ACOX2: variants seen among roughly 807,000 people sequenced by gnomAD.
ACOX2 encodes the protein peroxisomal acyl-coenzyme A oxidase 2.
Under a neutral mutation model 77.5 loss-of-function variants are expected in ACOX2, and 59 were observed. That is an observed-to-expected ratio of 0.76 (90% CI 0.62 to 0.95). ACOX2 has a LOEUF of 0.95. Among genes scored for constraint, ACOX2 ranks in the 40% least tolerant of loss-of-function variants. ACOX2 has a pLI of 0.00. For missense variants in ACOX2, 837 were observed against 880.4 expected, an observed-to-expected ratio of 0.95 and a Z score of 0.62; for synonymous variants, 317 against 340.1, an observed-to-expected ratio of 0.93 and a Z score of 0.75.
chr3:58,505,322 C>A lies in ACOX2; in HGVS notation c.1984-36G>T. 6.5e-7 allele frequency: 1 copy of A among 1,529,390 alleles called. No homozygotes were observed. The highest frequency in any genetic ancestry group is 8.9e-7 in the Non-Finnish European group (1 of 1,120,410). The allele number at this position is 1,529,390 out of a possible 1,614,324, so 94.7% of individuals were successfully genotyped here. A position where few individuals can be genotyped will look rare whatever the true frequency, so the allele number is the denominator to read the frequency against. On this transcript the variant is annotated intron_variant, in intron 14 of 14. Transcript: ENST00000302819. The surrounding 1 kb of genome is among the most constrained non-coding windows in gnomAD (Gnocchi z 4.4). ...AAAGAAACGCATTATTAACACAGTA[C>A]ATTTCTGCCAGGATTAATGACTTTC...
chr3:58,530,340 G>A, intron 8 of ACOX2, 126 bp downstream of exon 8: 2 of 1,331,980 alleles, frequency 1.5e-6, no homozygotes, highest in Non-Finnish European at 2.1e-6. Context: ...TTGTGTGTGT[G>A]TATGTGGTGG....
intron 14 of ACOX2, among the ~76,000 whole-genome samples, chr3:58,507,974 G>A (rs911654630): frequency 1.3e-5 from 2 of 152,036 alleles, no homozygotes; most frequent in African/African-American, 4.8e-5. Context: ...GACCAAAGAG[G>A]TAAAAAAGAA....
At position 58,525,252 on chromosome 3, in the gene ACOX2, G is replaced by T. The variant is rs2063386079; in HGVS notation, c.1347-647C>A. ...TGCAGAGTACATAATATGTGCTATT[G>T]TACTCCTTTTCTAATTTGGAAAAAA... is the stretch of plus-strand genomic sequence containing the variant. On this transcript the variant is annotated intron_variant, in intron 10 of 14. Coordinates refer to ENST00000302819, the MANE Select transcript of ACOX2 (RefSeq NM_003500.4). The surrounding 1 kb of genome is among the most constrained non-coding windows in gnomAD (Gnocchi z 5.0). Among the ~76,000 whole-genome samples, 1 of 152,100 alleles carries T rather than the reference G, an allele frequency of 6.6e-6. No homozygotes were observed. Among genetic ancestry groups the T allele is most frequent in the Non-Finnish European group, 1.5e-5 (1 of 68,022 alleles).
rs763249170 is a variant in ACOX2, at chr3:58,508,921, C to A, written c.1955G>T (p.Trp652Leu). The stretch of plus-strand genomic sequence containing the variant: ...AGTATTGGTTGGTGACTTCTGAGCC[C>A]ACTGGAACAGGCGTTCGTAGACGTT... Reference protein sequence around the residue: ...DGNVYERLFQWAQKSPTNTQE... With the variant: ...DGNVYERLFQLAQKSPTNTQE... The change falls in exon 14 of 15, where the codon TGG becomes TTG. Residue 652 changes from tryptophan to leucine, a missense_variant. By Grantham distance (61) the Trp-to-Leu change is moderately conservative (BLOSUM62 -2). Coordinates refer to ENST00000302819, the MANE Select transcript of ACOX2 (RefSeq NM_003500.4). 3.7e-6 allele frequency: 6 copies of A among 1,614,040 alleles called. No individual in the cohort carries two copies. In the Admixed American group the frequency reaches 1.0e-4, roughly 27 times the overall value.
chr3:58,530,031 T>C (rs1425294721), intron 8 of ACOX2, among the ~76,000 whole-genome samples: 1 of 152,212 alleles, frequency 6.6e-6, no homozygotes, highest in African/African-American at 2.4e-5. Context: ...GATATGATAT[T>C]GGATTTTGCT....
At chr3:58,517,500 G>A in intron 12 of ACOX2, 77 bp from the exon 13 acceptor site, 2 of 1,428,956 alleles carry the variant, frequency 1.4e-6, no homozygotes, top group South Asian at 2.4e-5. Context: ...ATGGCAAGAT[G>A]GCTGGAATAA....
rs956689203 is a variant in ACOX2, at chr3:58,512,176, C to T, written c.1851-3151G>A. ...CAAACCTGGGCCTCCTGTAGTCTTCCGCATTTATAGTAAATGGCAGCTCTG... is the reference window on the plus strand; with the variant it reads ...CAAACCTGGGCCTCCTGTAGTCTTCTGCATTTATAGTAAATGGCAGCTCTG... On this transcript the variant is annotated intron_variant, in intron 13 of 14. Coordinates refer to ENST00000302819, the MANE Select transcript of ACOX2 (RefSeq NM_003500.4). The surrounding 1 kb of genome is among the most constrained non-coding windows in gnomAD (Gnocchi z 4.8). Among the ~76,000 whole-genome samples the T allele has an allele frequency of 2.6e-5, 4 of 152,232 alleles. No individual in the cohort carries two copies. Among genetic ancestry groups the T allele is most frequent in the South Asian group, 2.1e-4 (1 of 4,826 alleles).
chr3:58,522,422 C>G lies in ACOX2; in HGVS notation c.1632+74G>C, dbSNP rs537861864. The G allele has an allele frequency of 3.4e-6, 5 of 1,454,232 alleles. No homozygotes were observed. Among genetic ancestry groups the G allele is most frequent in the Non-Finnish European group, 4.8e-6 (5 of 1,042,210 alleles). 90.1% of individuals were successfully genotyped at this position (1,454,232 alleles called of 1,614,324 possible). ...AGAGTTGGGGAATAATGGCAGAGCC[C>G]GGATTTTCCCAGCAGGGTAGCCTGC... On this transcript the variant is annotated intron_variant, in intron 12 of 14. Coordinates refer to ENST00000302819, the MANE Select transcript of ACOX2 (RefSeq NM_003500.4). This position sits in a 1 kb window ranked among gnomAD's most constrained non-coding sequence, Gnocchi z 4.3.
In ACOX2 at chr3:58,515,741, A is replaced by T. The variant is rs1268945676; in HGVS notation, c.1850+1465T>A. ...ATTCTCAAATTAGTCCATTTTTTTT[A>T]ATCTTATGGACAATGGTAAATAATT... is the stretch of plus-strand genomic sequence containing the variant. On this transcript the variant is annotated intron_variant, in intron 13 of 14. Transcript: ENST00000302819. This position sits in a 1 kb window ranked among gnomAD's most constrained non-coding sequence, Gnocchi z 4.0. 6.6e-6 allele frequency among the ~76,000 whole-genome samples: 1 copy of T among 152,104 alleles called. No homozygotes were observed. The highest frequency in any genetic ancestry group is 1.5e-5 in the Non-Finnish European group (1 of 68,028).
intron 13 of ACOX2, 55 bp from the exon 14 acceptor site, chr3:58,509,080 C>T (rs2063256554): frequency 1.3e-6 from 2 of 1,585,388 alleles, no homozygotes; most frequent in Admixed American, 1.7e-5. Context: ...ATGAATCAAA[C>T]TAGTCTTGGA....
chr3:58,533,587 G>C lies in ACOX2; in HGVS notation c.476-35C>G, dbSNP rs765455485. 8.1e-6 allele frequency: 13 copies of C among 1,600,728 alleles called. No homozygotes were observed. The highest frequency in any genetic ancestry group is 1.0e-5 in the Non-Finnish European group (12 of 1,168,276). ...AAGGAGAGGTGTTAGACATTGGCCT[G>C]AGGTGGGGTTCTTACCTGTGAAGCT... On this transcript the variant is annotated intron_variant, in intron 4 of 14. Coordinates refer to ENST00000302819, the MANE Select transcript of ACOX2 (RefSeq NM_003500.4). The surrounding 1 kb of genome is among the most constrained non-coding windows in gnomAD (Gnocchi z 5.6).
At position 58,526,512 on chromosome 3, in the gene ACOX2, A is replaced by AGGAGGCCGAC; in HGVS notation, c.1290_1299dup (p.Cys434ValfsTer9). On this transcript the variant is annotated frameshift_variant, in exon 10 of 15. Coordinates refer to ENST00000302819, the MANE Select transcript of ACOX2 (RefSeq NM_003500.4). LOFTEE classifies it high-confidence loss of function. The surrounding 1 kb of genome is among the most constrained non-coding windows in gnomAD (Gnocchi z 4.3). The stretch of plus-strand genomic sequence containing the variant: ...ACTGTGTTCTCACCCTCGTAGGTAC[A>AGGAGGCCGAC]GGAGGCCGACAATTTGGTGACCAGT... 6.2e-7 allele frequency: 1 copy of AGGAGGCCGAC among 1,614,186 alleles called. No individual in the cohort carries two copies. The highest frequency in any genetic ancestry group is 8.5e-7 in the Non-Finnish European group (1 of 1,180,032).
Position 58,522,985 on chromosome 3 carries a change from T to A in ACOX2, c.1527-384A>T, listed in dbSNP as rs1485659680. 5.4e-6 allele frequency: 1 copy of A among 183,496 alleles called. No homozygotes were observed. The highest frequency in any genetic ancestry group is 1.2e-5 in the Non-Finnish European group (1 of 85,476). 11.4% of individuals were successfully genotyped at this position (183,496 alleles called of 1,614,324 possible). ...GTTCAGGCCTTTTTGTTGACTGACGTCCTGTGGCCTGAGCAAGGAGAATGG... is the reference window on the plus strand; with the variant it reads ...GTTCAGGCCTTTTTGTTGACTGACGACCTGTGGCCTGAGCAAGGAGAATGG... On this transcript the variant is annotated intron_variant, in intron 11 of 14. Coordinates refer to ENST00000302819, the MANE Select transcript of ACOX2 (RefSeq NM_003500.4). This position sits in a 1 kb window ranked among gnomAD's most constrained non-coding sequence, Gnocchi z 4.3.
chr3:58,508,599 A>G (rs967372217), intron 14 of ACOX2, among the ~76,000 whole-genome samples: 1 of 152,152 alleles, frequency 6.6e-6, no homozygotes, highest in African/African-American at 2.4e-5. Flanking sequence ...CTCTGTGTGT[A>G]TGCACTTGGG....
At chr3:58,511,369 GA>G (rs2063286524) in intron 13 of ACOX2, 2 of 338,478 alleles carry the variant, frequency 5.9e-6, no homozygotes, top group African/African-American at 4.4e-5. Flanking sequence ...TGCTACTCTG[GA>G]CGCAAAGCCA....
At position 58,528,862 on chromosome 3, in the gene ACOX2, T is replaced by A. The variant is rs550491341; in HGVS notation, c.1087A>T (p.Ser363Cys). ...GAGTGCTGGAAGAACTCCAAGAGGC[T>A]GACTGCCAGGAAATGGAAGGCATAA... is the stretch of plus-strand genomic sequence containing the variant. ...ISYAFHFLAV[S>C]LLEFFQHSYT... Residue 363 changes from serine (S) to cysteine (C), a missense_variant, in exon 9 of 15, where the codon AGC becomes TGC. Transcript: ENST00000302819. The surrounding 1 kb of genome is among the most constrained non-coding windows in gnomAD (Gnocchi z 5.6). The A allele has an allele frequency of 4.6e-5, 74 of 1,613,920 alleles. 1 individual carries two copies. The South Asian group carries it at 7.5e-4, about 16-fold the overall frequency.
At chr3:58,527,532 T>C (rs2063404804) in intron 9 of ACOX2, among the ~76,000 whole-genome samples, 1 of 91,350 alleles carries the variant, frequency 1.1e-5, no homozygotes, top group African/African-American at 1.5e-4. Flanking sequence ...TGAGACTGTC[T>C]CAGGAAAAAA....
chr3:58,535,397 A>G lies in ACOX2; in HGVS notation c.-91-200T>C, dbSNP rs4681863. On this transcript the variant is annotated intron_variant, in intron 1 of 14. Transcript: ENST00000302819. The surrounding 1 kb of genome is among the most constrained non-coding windows in gnomAD (Gnocchi z 4.8). ...TGTTTGTTCAATACTTGTTAGCCAA[A>G]ATTGGACAGGGCCTGACCCCAAAGA... Among the ~76,000 whole-genome samples, 130,624 of 152,178 alleles carry G rather than the reference A, an allele frequency of 0.86. 57,277 individuals carry two copies. Among genetic ancestry groups the G allele is most frequent in the East Asian group, 1 (5,163 of 5,166 alleles).
rs2063434679 is a variant in ACOX2 at position 58,531,044 on chromosome 3, TGCATGAGA to T, written c.819+199_819+206del. Among the ~76,000 whole-genome samples, 1 of 152,234 alleles carries T rather than the reference TGCATGAGA, an allele frequency of 6.6e-6. No individual in the cohort carries two copies. The highest frequency in any genetic ancestry group is 1.5e-5 in the Non-Finnish European group (1 of 68,032). ...TGTCAGCCTATGTGACGAGCATTTC[TGCATGAGA>T]GGTCTGAGGCTCTGTGCCCAAGATC... On this transcript the variant is annotated intron_variant, in intron 7 of 14. Transcript: ENST00000302819. This position sits in a 1 kb window ranked among gnomAD's most constrained non-coding sequence, Gnocchi z 5.8.
Sources: gnomAD v4.1 joint callset for allele counts (sites outside exome capture counted in the v4.1 genomes callset) on GRCh38, gnomAD v4.1.1 for gene constraint, Gnocchi (gnomAD v3.1) non-coding constraint, MANE v1.5 for transcripts, NCBI Gene and HGNC (gene_info 2026-07-23, HGNC 2026-07-21) for gene names.